The following C4orf36 variants were observed in gnomAD, a reference collection of about 807,000 sequenced individuals.
C4orf36 encodes the protein chromosome 4 open reading frame 36.
C4orf36 carries 11 observed loss-of-function variants against 12.2 expected under a neutral mutation model. The ratio of observed to expected loss-of-function variants is 0.90; its 90% CI spans 0.57 to 1.49. C4orf36 has a LOEUF of 1.49. Ranked by LOEUF, C4orf36 falls within the 40% of genes most tolerant of loss-of-function variation. The probability of loss-of-function intolerance (pLI) is 0.00; values close to 1 mark genes in which losing one functional copy is unlikely to be tolerated. For synonymous variants in C4orf36, 54 were observed against 51.3 expected (o/e 1.05, Z -0.22); for missense variants, 137 against 133.9 (o/e 1.02, Z -0.11).
chr4:86,880,706 G>GA, intron 4 of C4orf36, among the ~76,000 whole-genome samples: 1 of 152,252 alleles, frequency 6.6e-6, no homozygotes, highest in East Asian at 1.9e-4. Context: ...TAAAACCATA[G>GA]AAAAATATAA....
rs894646948 is a variant in C4orf36 at position 86,891,610 on chromosome 4, G to C, written c.-73-17C>G. 7 of 1,593,346 alleles carry C rather than the reference G, an allele frequency of 4.4e-6. No individual in the cohort carries two copies. Among genetic ancestry groups the C allele is most frequent in the African/African-American group, 4.0e-5 (3 of 74,168 alleles). ...TCACTTTACCTGAAATGATGGCAAC[G>C]CACCTAATTAATGCCTCTCACGTGA... On this transcript the variant is annotated splice_polypyrimidine_tract_variant and intron_variant, in intron 1 of 4. Transcript: ENST00000295898.
At chr4:86,898,751 G>GAACTCC in the C4orf36 span, among the ~76,000 whole-genome samples, 1 of 152,052 alleles carries the variant, frequency 6.6e-6, no homozygotes, top group Non-Finnish European at 1.5e-5. Flanking sequence ...CCAGGAGGTG[G>GAACTCC]TGCTCTATGA....
the C4orf36 span, among the ~76,000 whole-genome samples, chr4:86,904,086 C>T: frequency 6.6e-6 from 1 of 152,262 alleles, no homozygotes; most frequent in African/African-American, 2.4e-5. Flanking sequence ...CCAGCTTCAC[C>T]TCTCACTGGC....
At chr4:86,935,664 C>T in the C4orf36 span, 1 of 152,436 alleles carries the variant, frequency 6.6e-6, no homozygotes, top group Middle Eastern at 3.4e-3. Flanking sequence ...GGGTTCTTCT[C>T]TCCTGCACCC....
At chr4:86,910,521 T>A in the C4orf36 span, among the ~76,000 whole-genome samples, 2 of 152,022 alleles carry the variant, frequency 1.3e-5, no homozygotes, top group East Asian at 3.8e-4. Context: ...AGTGCTTAGG[T>A]AGAAATGTGA....
At chr4:86,894,045 C>T (rs1560475616), upstream of C4orf36, among the ~76,000 whole-genome samples, 2 of 151,902 alleles carry the variant, frequency 1.3e-5, no homozygotes, top group Non-Finnish European at 2.9e-5. Flanking sequence ...TACAGGCGCC[C>T]GCCACCACGC....
At chr4:86,888,518 T>C (rs1747269086) in intron 2 of C4orf36, among the ~76,000 whole-genome samples, 1 of 152,186 alleles carries the variant, frequency 6.6e-6, no homozygotes, top group Non-Finnish European at 1.5e-5. Flanking sequence ...TGATTCAGCC[T>C]CCATGAAGTC....
At chr4:86,894,193 G>C (rs1432042736), upstream of C4orf36, among the ~76,000 whole-genome samples, 2 of 152,140 alleles carry the variant, frequency 1.3e-5, no homozygotes, top group African/African-American at 4.8e-5. Context: ...CACCGCGCCC[G>C]GTCTTTGGCC....
chr4:86,906,337 A>G, the C4orf36 span, among the ~76,000 whole-genome samples: 1 of 152,172 alleles, frequency 6.6e-6, no homozygotes, highest in African/African-American at 2.4e-5. Context: ...GCTCTCTGGA[A>G]TCCATAAGAA....
chr4:86,920,881 C>G, the C4orf36 span, among the ~76,000 whole-genome samples: 1 of 152,050 alleles, frequency 6.6e-6, no homozygotes, highest in Non-Finnish European at 1.5e-5. Context: ...TCTATAATCC[C>G]AGCACTTTGT....
At chr4:86,902,508 A>G in the C4orf36 span, among the ~76,000 whole-genome samples, 2 of 151,954 alleles carry the variant, frequency 1.3e-5, no homozygotes, top group African/African-American at 4.8e-5. Flanking sequence ...AAGCACCAAT[A>G]CTGCTGACAC....
At chr4:86,924,790 A>G in the C4orf36 span, 1 of 152,242 alleles carries the variant, frequency 6.6e-6, no homozygotes, top group Non-Finnish European at 1.5e-5. Context: ...GTGGTAACAT[A>G]TTTGTGTGCT....
At chr4:86,928,623 A>G in the C4orf36 span, among the ~76,000 whole-genome samples, 1 of 152,356 alleles carries the variant, frequency 6.6e-6, no homozygotes, top group Non-Finnish European at 1.5e-5. Flanking sequence ...GTGTTGAAGC[A>G]GGCTGAGCTG....
the C4orf36 span, among the ~76,000 whole-genome samples, chr4:86,930,230 A>C: frequency 1.6e-3 from 241 of 152,232 alleles, 1 homozygote; most frequent in Non-Finnish European, 2.3e-3. Flanking sequence ...TCCTCTTCTT[A>C]TTTAGTCCTC....
At chr4:86,890,866 T>C (rs1399896240) in intron 2 of C4orf36, among the ~76,000 whole-genome samples, 1 of 152,210 alleles carries the variant, frequency 6.6e-6, no homozygotes, top group African/African-American at 2.4e-5. Flanking sequence ...TAGCCAATTG[T>C]TATATGCATC....
At chr4:86,903,415 G>A in the C4orf36 span, among the ~76,000 whole-genome samples, 11 of 152,276 alleles carry the variant, frequency 7.2e-5, no homozygotes, top group South Asian at 2.1e-4. Context: ...GTAATCAGTC[G>A]GTTCTTGGTC....
At chr4:86,914,858 G>A in the C4orf36 span, 17 of 414,256 alleles carry the variant, frequency 4.1e-5, no homozygotes, top group Non-Finnish European at 3.7e-5. Flanking sequence ...GGGGTCGGGG[G>A]AGTCCGGACG....
the C4orf36 span, chr4:86,913,439 T>C: frequency 5.3e-6 from 4 of 750,958 alleles, no homozygotes; most frequent in Non-Finnish European, 7.3e-6. Flanking sequence ...GTCGTGGCCC[T>C]CTTGTCCATG....
the C4orf36 span, among the ~76,000 whole-genome samples, chr4:86,907,981 A>G: frequency 6.6e-6 from 1 of 151,880 alleles, no homozygotes; most frequent in Admixed American, 6.6e-5. Context: ...AAAGAGAAAA[A>G]AAGAAATGGT....
Sources: gnomAD v4.1 joint callset for allele counts (sites outside exome capture counted in the v4.1 genomes callset) on GRCh38, gnomAD v4.1.1 for gene constraint, MANE v1.5 for transcripts, NCBI Gene and HGNC (gene_info 2026-07-23, HGNC 2026-07-21) for gene names.